EPHA6: variants seen among roughly 807,000 people sequenced by gnomAD.
The protein encoded by EPHA6 is EPH receptor A6.
Under a neutral mutation model 112.0 loss-of-function variants are expected in EPHA6, and 50 were observed. The observed-to-expected ratio is 0.45, with a 90% CI of 0.36 to 0.56. EPHA6 has a LOEUF of 0.56. EPHA6 is among the 20% of genes least tolerant of loss of function. The pLI is 0.00. For synonymous variants in EPHA6, 529 were observed against 490.7 expected (o/e 1.08, Z -1.03); for missense variants, 1,280 against 1,417.4 (o/e 0.90, Z 1.56).
chr3:96,816,150 A>G (rs1282900609), intron 1 of EPHA6, among the ~76,000 whole-genome samples: 1 of 152,214 alleles, frequency 6.6e-6, no homozygotes, highest in African/African-American at 2.4e-5. Flanking sequence ...TGTCATCAAC[A>G]TATATGGCCA....
chr3:97,586,543 TAA>T (rs147109384), intron 11 of EPHA6, among the ~76,000 whole-genome samples: 1 of 145,572 alleles, frequency 6.9e-6, no homozygotes. Context: ...TTACTATAAC[TAA>T]AAAAAAAAGA....
chr3:97,324,420 T>TCTTTCTTTCTTA (rs2082281156), intron 5 of EPHA6, among the ~76,000 whole-genome samples: 2 of 140,382 alleles, frequency 1.4e-5, no homozygotes, highest in African/African-American at 5.5e-5. Flanking sequence ...TTTCTTTCTT[T>TCTTTCTTTCTTA]CTTTCTTTCT....
Position 97,478,708 on chromosome 3 carries a change from G to A in EPHA6, c.2004-586G>A, listed in dbSNP as rs567196102. 4.6e-5 allele frequency among the ~76,000 whole-genome samples: 7 copies of A among 152,128 alleles called. No homozygotes were observed. The South Asian group carries it at 1.5e-3, about 32-fold the overall frequency. ...ATGCTCAACTTGCCATAGAATTCGAGGCAAAATTCCCATTGAAAGACTGAA... is the reference window on the plus strand; with the variant it reads ...ATGCTCAACTTGCCATAGAATTCGAAGCAAAATTCCCATTGAAAGACTGAA... On this transcript the variant is annotated intron_variant, in intron 8 of 17. Coordinates refer to ENST00000389672, the MANE Select transcript of EPHA6 (RefSeq NM_001080448.3).
At chr3:97,093,759 T>C (rs1462343243) in intron 3 of EPHA6, among the ~76,000 whole-genome samples, 1 of 152,134 alleles carries the variant, frequency 6.6e-6, no homozygotes, top group East Asian at 1.9e-4. Context: ...TTTAGGGTGA[T>C]GTAATAGTTT....
intron 2 of EPHA6, among the ~76,000 whole-genome samples, chr3:96,959,566 A>G (rs2041885424): frequency 6.6e-6 from 1 of 152,126 alleles, no homozygotes; most frequent in Admixed American, 6.5e-5. Context: ...TAAGAAATCA[A>G]TGACTAATTC....
intron 5 of EPHA6, among the ~76,000 whole-genome samples, chr3:97,299,637 A>G (rs2081014235): frequency 6.6e-6 from 1 of 152,164 alleles, no homozygotes; most frequent in Non-Finnish European, 1.5e-5. Context: ...TAAAGAGAAG[A>G]TGACGTCCAT....
At chr3:97,015,384 C>A (rs2044230135) in intron 3 of EPHA6, among the ~76,000 whole-genome samples, 1 of 152,066 alleles carries the variant, frequency 6.6e-6, no homozygotes, top group South Asian at 2.1e-4. Context: ...TGTGTGTTTT[C>A]TTTTCCAGAA....
intron 4 of EPHA6, among the ~76,000 whole-genome samples, chr3:97,226,950 A>G (rs1485852271): frequency 2.0e-5 from 3 of 152,174 alleles, no homozygotes; most frequent in Non-Finnish European, 4.4e-5. Flanking sequence ...TTTCTCTCCA[A>G]TATTTTTGGT....
At chr3:97,428,686 G>C (rs905087842) in intron 6 of EPHA6, among the ~76,000 whole-genome samples, 2 of 152,090 alleles carry the variant, frequency 1.3e-5, no homozygotes, top group Non-Finnish European at 2.9e-5. Context: ...CTCCCTTTAA[G>C]AGAGAGAACG....
chr3:97,477,016 C>T (rs1464933968), intron 8 of EPHA6, among the ~76,000 whole-genome samples: 2 of 152,032 alleles, frequency 1.3e-5, no homozygotes, highest in African/African-American at 4.8e-5. Context: ...CATCTTAATA[C>T]AAGTACTAAT....
chr3:97,020,955 CGTT>C (rs1320519046), intron 3 of EPHA6, among the ~76,000 whole-genome samples: 2 of 151,834 alleles, frequency 1.3e-5, no homozygotes, highest in Non-Finnish European at 2.9e-5. Flanking sequence ...TGGGTTAAAT[CGTT>C]GTTGATAAAG....
chr3:96,827,612 A>G (rs1235409374), intron 1 of EPHA6, among the ~76,000 whole-genome samples: 1 of 152,140 alleles, frequency 6.6e-6, no homozygotes, highest in African/African-American at 2.4e-5. Flanking sequence ...AATTAATTCC[A>G]CTTTTATGAA....
intron 6 of EPHA6, among the ~76,000 whole-genome samples, chr3:97,430,073 A>G (rs929304657): frequency 1.3e-5 from 2 of 152,186 alleles, no homozygotes; most frequent in Admixed American, 1.3e-4. Flanking sequence ...TTTTTAAATT[A>G]ATTTTTAAAT....
intron 5 of EPHA6, among the ~76,000 whole-genome samples, chr3:97,373,368 C>T (rs568680860): frequency 6.6e-6 from 1 of 151,820 alleles, no homozygotes; most frequent in South Asian, 2.1e-4. Flanking sequence ...CATGAAATCA[C>T]AATCACAATA....
At chr3:97,356,291 C>A (rs942408595) in intron 5 of EPHA6, among the ~76,000 whole-genome samples, 8 of 152,194 alleles carry the variant, frequency 5.3e-5, no homozygotes, top group African/African-American at 1.9e-4. Flanking sequence ...ACTAGTTCTA[C>A]ATTATGGTGA....
At chr3:97,263,187 A>G (rs1412693410) in intron 5 of EPHA6, among the ~76,000 whole-genome samples, 1 of 152,166 alleles carries the variant, frequency 6.6e-6, no homozygotes, top group African/African-American at 2.4e-5. Flanking sequence ...TGGTTTATAA[A>G]TGTGTTTCTG....
intron 5 of EPHA6, among the ~76,000 whole-genome samples, chr3:97,393,999 T>G (rs898681500): frequency 4.0e-5 from 6 of 151,826 alleles, no homozygotes; most frequent in East Asian, 3.9e-4. Context: ...TGATTCAGTC[T>G]CTTGGCAATT....
intron 2 of EPHA6, among the ~76,000 whole-genome samples, chr3:96,889,376 G>A (rs568111452): frequency 7.9e-5 from 12 of 152,238 alleles, no homozygotes; most frequent in South Asian, 2.1e-4. Flanking sequence ...AGACGTATCC[G>A]AGACTGGGAA....
chr3:96,840,582 G>T (rs1389753593), intron 1 of EPHA6, among the ~76,000 whole-genome samples: 1 of 152,092 alleles, frequency 6.6e-6, no homozygotes. Context: ...ATGACTTGCT[G>T]TCTGACCACT....
Sources: allele counts gnomAD v4.1 joint callset (sites outside exome capture counted in the v4.1 genomes callset), GRCh38; gene constraint gnomAD v4.1.1; transcripts MANE v1.5; gene names NCBI Gene and HGNC (gene_info 2026-07-23, HGNC 2026-07-21).